The following LYSMD3 variants were observed in gnomAD, a reference collection of about 807,000 sequenced individuals.
The protein encoded by LYSMD3 is LysM domain containing 3.
Under a neutral mutation model 26.1 loss-of-function variants are expected in LYSMD3, and 13 were observed. The ratio of observed to expected loss-of-function variants is 0.50; its 90% CI spans 0.32 to 0.79. LYSMD3 has a LOEUF of 0.79. Among genes scored for constraint, LYSMD3 ranks in the 30% least tolerant of loss-of-function variants. The pLI is 0.03. For synonymous variants in LYSMD3, 109 were observed against 119.4 expected (o/e 0.91, Z 0.57); for missense variants, 331 against 362.5 (o/e 0.91, Z 0.71).
intron 2 of LYSMD3, among the ~76,000 whole-genome samples, chr5:90,523,582 T>C (rs1383960014): frequency 6.6e-6 from 1 of 152,066 alleles, no homozygotes; most frequent in Admixed American, 6.5e-5. Context: ...AATCTCATGC[T>C]ATTGAAAAAA....
In LYSMD3 at chr5:90,529,581, C is replaced by G. The variant is rs1413396950; in HGVS notation, c.-145G>C. The G allele has an allele frequency of 4.4e-6, 2 of 455,708 alleles. No individual in the cohort carries two copies. Among genetic ancestry groups the G allele is most frequent in the African/African-American group, 2.0e-5 (1 of 50,058 alleles). 28.2% of individuals were successfully genotyped at this position (455,708 alleles called of 1,614,324 possible). On this transcript the variant is annotated 5_prime_UTR_variant, in exon 1 of 3. Transcript: ENST00000315948. ...CCGCCTCCGCCTCTGCCGCCAACGT[C>G]TCCGCCTTCCGGGCCGTACGCCGCC...
chr5:90,521,863 A>G (rs530703874), intron 2 of LYSMD3, among the ~76,000 whole-genome samples: 21 of 152,040 alleles, frequency 1.4e-4, no homozygotes, highest in Non-Finnish European at 2.2e-4. Flanking sequence ...AATTCTTAAG[A>G]TTATTTCTAA....
intron 1 of LYSMD3, among the ~76,000 whole-genome samples, chr5:90,527,452 A>G (rs960951827): frequency 1.3e-5 from 2 of 149,760 alleles, no homozygotes; most frequent in Admixed American, 1.3e-4. Context: ...TATGTGTGAA[A>G]AAGTGTAAGA....
chr5:90,520,447 T>C (rs781732952), intron 2 of LYSMD3: 38 of 456,028 alleles, frequency 8.3e-5, no homozygotes, highest in African/African-American at 3.0e-4. Flanking sequence ...ATGGCATTCA[T>C]TGAGAAATGG....
chr5:90,527,693 CTTA>C, intron 1 of LYSMD3, among the ~76,000 whole-genome samples: 2 of 152,208 alleles, frequency 1.3e-5, no homozygotes, highest in Non-Finnish European at 2.9e-5. Context: ...CCCAATGTAT[CTTA>C]TTATGTATAT....
In LYSMD3 at chr5:90,518,227, G is replaced by T. The variant is rs935152035; in HGVS notation, c.*592C>A. On this transcript the variant is annotated 3_prime_UTR_variant, in exon 3 of 3. Transcript: ENST00000315948. ...TCCCAACCATAATACATTATTTTGG[G>T]GTCTTGAAAATATTTTAATCTATTT... 1 of 152,066 alleles carries T rather than the reference G, an allele frequency of 6.6e-6. No homozygotes were observed. Among genetic ancestry groups the T allele is most frequent in the Admixed American group, 6.6e-5 (1 of 15,258 alleles). The allele number at this position is 152,066 out of a possible 1,614,324, so 9.4% of individuals were successfully genotyped here.
intron 1 of LYSMD3, among the ~76,000 whole-genome samples, chr5:90,526,018 T>C (rs561722050): frequency 2.6e-5 from 4 of 152,346 alleles, no homozygotes; most frequent in Admixed American, 6.5e-5. Context: ...AATTGTGTTA[T>C]GTCTTAAAAA....
rs1273017021 is a variant in LYSMD3 at position 90,518,180 on chromosome 5, C to G, written c.*639G>C. 1.3e-5 allele frequency: 2 copies of G among 152,154 alleles called. No individual in the cohort carries two copies. Among genetic ancestry groups the G allele is most frequent in the African/African-American group, 2.4e-5 (1 of 41,442 alleles). 9.4% of individuals were successfully genotyped at this position (152,154 alleles called of 1,614,324 possible). A position where few individuals can be genotyped will look rare whatever the true frequency, so the allele number is the denominator to read the frequency against. On this transcript the variant is annotated 3_prime_UTR_variant, in exon 3 of 3. Coordinates refer to ENST00000315948, the MANE Select transcript of LYSMD3 (RefSeq NM_198273.2). ...ACAAAAATTACTGTCAGGTCTTCAC[C>G]TATTCCAGTGTTCTACTGACTTCCC...
In LYSMD3 at chr5:90,515,983, T is replaced by G. The variant is rs1752935907; in HGVS notation, c.*2836A>C. The G allele has an allele frequency of 6.6e-6, 1 of 152,162 alleles. No homozygotes were observed. Among genetic ancestry groups the G allele is most frequent in the Admixed American group, 6.5e-5 (1 of 15,272 alleles). The allele number at this position is 152,162 out of a possible 1,614,324, so 9.4% of individuals were successfully genotyped here. On this transcript the variant is annotated 3_prime_UTR_variant, in exon 3 of 3. Transcript: ENST00000315948. ...CCTGTAACACTGACTAGATCCTTGC[T>G]TCATGATATTTCTAAAACTAAGCAT...
Position 90,525,319 on chromosome 5 carries a change from A to G in LYSMD3, c.-11-19T>C. ...TTAAAATCTGGAGGAAAAAAAAAGC[A>G]GAGAAAATTTTGGAATGTAGCTGAT... is the stretch of plus-strand genomic sequence containing the variant. On this transcript the variant is annotated intron_variant, in intron 1 of 2. Coordinates refer to ENST00000315948, the MANE Select transcript of LYSMD3 (RefSeq NM_198273.2). The G allele has an allele frequency of 3.2e-6, 5 of 1,561,978 alleles. No homozygotes were observed. The highest frequency in any genetic ancestry group is 4.3e-6 in the Non-Finnish European group (5 of 1,157,788).
At chr5:90,523,896 G>A (rs572808454) in intron 2 of LYSMD3, among the ~76,000 whole-genome samples, 3 of 152,076 alleles carry the variant, frequency 2.0e-5, no homozygotes, top group Non-Finnish European at 2.9e-5. Context: ...ATATCAATGT[G>A]GATATAAAAA....
At chr5:90,528,699 C>T (rs1251498210) in intron 1 of LYSMD3, among the ~76,000 whole-genome samples, 2 of 152,196 alleles carry the variant, frequency 1.3e-5, no homozygotes, top group Non-Finnish European at 2.9e-5. Context: ...ATTCTATTCA[C>T]CTCTCTTAAT....
In LYSMD3 at chr5:90,516,670, T is replaced by C. The variant is rs1026029606; in HGVS notation, c.*2149A>G. ...AATATGTAACCTTTATATAGAATTA[T>C]ATGTAACTCAAATTATATTCAATTA... On this transcript the variant is annotated 3_prime_UTR_variant, in exon 3 of 3. Coordinates refer to ENST00000315948, the MANE Select transcript of LYSMD3 (RefSeq NM_198273.2). The C allele has an allele frequency of 6.6e-6, 1 of 152,356 alleles. No individual in the cohort carries two copies. Among genetic ancestry groups the C allele is most frequent in the Non-Finnish European group, 1.5e-5 (1 of 67,912 alleles). The allele number at this position is 152,356 out of a possible 1,614,324, so 9.4% of individuals were successfully genotyped here. A position where few individuals can be genotyped will look rare whatever the true frequency, so the allele number is the denominator to read the frequency against.
chr5:90,529,403 G>GGCTA (rs1753305060), intron 1 of LYSMD3, 45 bp downstream of exon 1: 1 of 456,294 alleles, frequency 2.2e-6, no homozygotes, highest in Non-Finnish European at 4.4e-6. Flanking sequence ...GCTCAACCCC[G>GGCTA]CCCTCCTGGA....
chr5:90,523,760 G>A (rs1168056160), intron 2 of LYSMD3, among the ~76,000 whole-genome samples: 1 of 152,070 alleles, frequency 6.6e-6, no homozygotes, highest in Non-Finnish European at 1.5e-5. Flanking sequence ...ACTATGTTAA[G>A]TCATGAGGAA....
rs774599097 is a variant in LYSMD3 at position 90,525,176 on chromosome 5, T to G, written c.114A>C (p.Glu38Asp). The change falls in exon 2 of 3, where the codon GAA becomes GAC. Residue 38 changes from glutamate to aspartate, a missense_variant. Transcript: ENST00000315948. ...SDSDILEEDAEVYELRSRGKE... is the reference protein window; with the variant it reads ...SDSDILEEDADVYELRSRGKE... ...TTCCTCTGGATCGAAGTTCATACAC[T>G]TCAGCATCCTCCTCCAAAATATCAC... 36 of 1,614,030 alleles carry G rather than the reference T, an allele frequency of 2.2e-5. 1 individual carries two copies. In the South Asian group the frequency reaches 3.7e-4, roughly 17 times the overall value.
intron 1 of LYSMD3, 106 bp from the exon 2 acceptor site, chr5:90,525,406 G>T: frequency 1.7e-6 from 2 of 1,153,488 alleles, no homozygotes; most frequent in African/African-American, 1.6e-5. Flanking sequence ...TTGTTTTAAT[G>T]GTTTTAGTTA....
chr5:90,519,265 T>C lies in LYSMD3; in HGVS notation c.475A>G (p.Ser159Gly), dbSNP rs776112715. The change falls in exon 3 of 3, where the codon AGC becomes GGC. Residue 159 changes from serine to glycine, a missense_variant. By Grantham distance (56) the Ser-to-Gly change is moderately conservative. This residue lies in a region of LYSMD3 where 262 missense variants were observed against 267.3 expected (regional missense o/e 0.98). Coordinates refer to ENST00000315948, the MANE Select transcript of LYSMD3 (RefSeq NM_198273.2). ...TCTCGGTCTACTTCTTTTAAAAAGC[T>C]ACCAGCTGAGTCACTGTAAGCAAGA... is the stretch of plus-strand genomic sequence containing the variant. The part of the protein sequence containing the change: ...DSLAYSDSAG[S>G]FLKEVDRDIE... The C allele has an allele frequency of 3.1e-6, 5 of 1,614,030 alleles. No homozygotes were observed. Among genetic ancestry groups the C allele is most frequent in the Non-Finnish European group, 4.2e-6 (5 of 1,179,992 alleles).
rs553927616 is a variant in LYSMD3, at chr5:90,529,567, T to G, written c.-131A>C. ...TGGGCTGACCCCGTCCGCCTCCGCC[T>G]CTGCCGCCAACGTCTCCGCCTTCCG... On this transcript the variant is annotated 5_prime_UTR_variant, in exon 1 of 3. Coordinates refer to ENST00000315948, the MANE Select transcript of LYSMD3 (RefSeq NM_198273.2). The G allele has an allele frequency of 4.4e-6, 2 of 456,144 alleles. No individual in the cohort carries two copies. Among genetic ancestry groups the G allele is most frequent in the East Asian group, 7.0e-5 (1 of 14,362 alleles). The allele number at this position is 456,144 out of a possible 1,614,324, so 28.3% of individuals were successfully genotyped here.
Sources: gnomAD v4.1 joint callset for allele counts (sites outside exome capture counted in the v4.1 genomes callset) on GRCh38, gnomAD v4.1.1 for gene constraint, gnomAD v4.1.1 regional missense constraint, MANE v1.5 for transcripts, NCBI Gene and HGNC (gene_info 2026-07-23, HGNC 2026-07-21) for gene names.